CRIM1: variants seen among roughly 807,000 people sequenced by gnomAD.
CRIM1 encodes cysteine-rich motor neuron 1 protein.
CRIM1 carries 32 observed loss-of-function variants against 116.4 expected under a neutral mutation model. The observed-to-expected ratio is 0.27, with a 90% confidence interval of 0.21 to 0.37. The LOEUF (loss-of-function observed/expected upper bound fraction) is 0.37. CRIM1 is among the 10% of genes least tolerant of loss of function. The pLI is 1.00. For missense variants in CRIM1, 1,331 were observed against 1,354.8 expected (o/e 0.98, Z 0.28); for synonymous variants, 590 against 509.2 (o/e 1.16, Z -2.13).
chr2:36,522,801 C>CAAA (rs1388959317), intron 13 of CRIM1, among the ~76,000 whole-genome samples: 2 of 107,504 alleles, frequency 1.9e-5, no homozygotes, highest in Non-Finnish European at 1.9e-5. Flanking sequence ...GACTCCATCT[C>CAAA]AAAAAAAAAA....
intron 2 of CRIM1, among the ~76,000 whole-genome samples, chr2:36,416,132 T>C (rs1031780515): frequency 6.6e-6 from 1 of 151,976 alleles, no homozygotes; most frequent in African/African-American, 2.4e-5. Flanking sequence ...CACTTGAACC[T>C]GGGAGGTGGA....
intron 2 of CRIM1, among the ~76,000 whole-genome samples, chr2:36,416,953 C>T (rs188643232): frequency 1.2e-4 from 18 of 152,318 alleles, no homozygotes; most frequent in Non-Finnish European, 1.9e-4. Context: ...TGATTCTGCT[C>T]CTCAGCATGT....
In CRIM1 at chr2:36,533,896, C is replaced by G. The variant is rs551669788; in HGVS notation, c.2429-3456C>G. On this transcript the variant is annotated intron_variant, in intron 13 of 16. Transcript: ENST00000280527. ...AGTCTAAGTTCTTCCCATCATTATTCTCGTGTGTGGAGAGAGGAAGGGAAG... is the reference window on the plus strand; with the variant it reads ...AGTCTAAGTTCTTCCCATCATTATTGTCGTGTGTGGAGAGAGGAAGGGAAG... 7.4e-5 allele frequency among the ~76,000 whole-genome samples: 11 copies of G among 147,854 alleles called. No individual in the cohort carries two copies. The South Asian group carries it at 2.2e-3, about 29-fold the overall frequency.
At chr2:36,462,361 A>G (rs1461111327) in intron 4 of CRIM1, among the ~76,000 whole-genome samples, 1 of 152,212 alleles carries the variant, frequency 6.6e-6, no homozygotes, top group Non-Finnish European at 1.5e-5. Flanking sequence ...GTATTTTTTA[A>G]ATTGTAAATT....
At chr2:36,429,791 T>A (rs925537950) in intron 2 of CRIM1, among the ~76,000 whole-genome samples, 3 of 152,166 alleles carry the variant, frequency 2.0e-5, no homozygotes, top group Non-Finnish European at 4.4e-5. Flanking sequence ...GATTTGGCAA[T>A]CTGTGCTTAA....
intron 10 of CRIM1, chr2:36,513,281 A>G (rs1664808180): frequency 4.9e-6 from 2 of 406,638 alleles, no homozygotes. Flanking sequence ...TGTTTATTGT[A>G]TAAAATATGA....
chr2:36,457,586 AAGGAGGGTTAGTTATTC>A (rs1677240700), intron 4 of CRIM1, among the ~76,000 whole-genome samples: 1 of 152,104 alleles, frequency 6.6e-6, no homozygotes, highest in Non-Finnish European at 1.5e-5. Context: ...AGAAAGGGTG[AAGGAGGGTTAGTTATTC>A]ATACACAGAT....
At chr2:36,394,566 G>A (rs1014862624) in intron 1 of CRIM1, among the ~76,000 whole-genome samples, 2 of 151,586 alleles carry the variant, frequency 1.3e-5, no homozygotes, top group African/African-American at 2.4e-5. Flanking sequence ...ACCTTTATGT[G>A]TCTATGTTAT....
At chr2:36,424,870 A>G (rs532362599) in intron 2 of CRIM1, among the ~76,000 whole-genome samples, 1 of 152,274 alleles carries the variant, frequency 6.6e-6, no homozygotes, top group Non-Finnish European at 1.5e-5. Context: ...CCCCCAAAAT[A>G]TAACAGATTG....
At chr2:36,374,943 T>G (rs573127009) in intron 1 of CRIM1, among the ~76,000 whole-genome samples, 1 of 152,228 alleles carries the variant, frequency 6.6e-6, no homozygotes, top group African/African-American at 2.4e-5. Context: ...AACTAACGAT[T>G]TGTAGGTTTT....
At chr2:36,533,098 A>G (rs1666224069) in intron 13 of CRIM1, among the ~76,000 whole-genome samples, 1 of 152,172 alleles carries the variant, frequency 6.6e-6, no homozygotes, top group South Asian at 2.1e-4. Flanking sequence ...ATACATTTAT[A>G]TGTAGTCTCA....
Position 36,394,724 on chromosome 2 carries a change from A to C in CRIM1, c.332-1890A>C, listed in dbSNP as rs187334462. Among the ~76,000 whole-genome samples, 928 of 152,106 alleles carry C rather than the reference A, an allele frequency of 6.1e-3. 5 individuals are homozygous for C. Among genetic ancestry groups the C allele is most frequent in the Non-Finnish European group, 7.1e-3 (480 of 67,994 alleles). On this transcript the variant is annotated intron_variant, in intron 1 of 16. Transcript: ENST00000280527. ...TAAAACATAAATTGTGTGTCGGTAT[A>C]AACTTCAAATCTGAAAGATAATCAT... is the stretch of plus-strand genomic sequence containing the variant.
chr2:36,543,519 T>C (rs757216578), intron 14 of CRIM1, among the ~76,000 whole-genome samples: 3 of 152,294 alleles, frequency 2.0e-5, no homozygotes, highest in South Asian at 2.1e-4. Flanking sequence ...CAGTGAATAA[T>C]ATGGCAGGAT....
intron 2 of CRIM1, among the ~76,000 whole-genome samples, chr2:36,417,003 A>G (rs1434651487): frequency 6.6e-6 from 1 of 152,154 alleles, no homozygotes; most frequent in Non-Finnish European, 1.5e-5. Flanking sequence ...TGGGAAGAGC[A>G]TCCAGGTCAG....
intron 13 of CRIM1, among the ~76,000 whole-genome samples, chr2:36,535,132 G>GGAAGGGGAAGGAAGGAGA (rs1666446109): frequency 8.4e-6 from 1 of 118,580 alleles, no homozygotes; most frequent in Non-Finnish European, 1.7e-5. Context: ...AGGGAGGGAG[G>GGAAGGGGAAGGAAGGAGA]GAAGGGGAAG....
intron 4 of CRIM1, among the ~76,000 whole-genome samples, chr2:36,444,971 A>G (rs553789011): frequency 4.6e-5 from 7 of 152,204 alleles, no homozygotes; most frequent in South Asian, 2.1e-4. Context: ...TCTTTTTATC[A>G]TAGCACTTTT....
chr2:36,543,351 C>G (rs187039339), intron 14 of CRIM1, among the ~76,000 whole-genome samples: 101 of 152,346 alleles, frequency 6.6e-4, no homozygotes, highest in African/African-American at 2.3e-3. Flanking sequence ...TCTCAAAAGC[C>G]TGTTAACTTT....
Position 36,421,285 on chromosome 2 carries a change from AT to A in CRIM1, c.506-19970del, listed in dbSNP as rs564355353. Among the ~76,000 whole-genome samples, 108 of 152,322 alleles carry A rather than the reference AT, an allele frequency of 7.1e-4. No homozygotes were observed. The East Asian group carries it at 0.01, about 15-fold the overall frequency. The stretch of plus-strand genomic sequence containing the variant: ...TTCCTTTTTGGGGGAGAAATTGAGA[AT>A]TTAAATGATGTCATGAAACAAAAGG... On this transcript the variant is annotated intron_variant, in intron 2 of 16. Transcript: ENST00000280527.
chr2:36,487,647 C>T (rs1247760259), intron 7 of CRIM1, among the ~76,000 whole-genome samples: 1 of 151,562 alleles, frequency 6.6e-6, no homozygotes, highest in Non-Finnish European at 1.5e-5. Context: ...ACTTTGTCTT[C>T]TATGACATAG....
Sources: gnomAD v4.1 joint callset for allele counts (sites outside exome capture counted in the v4.1 genomes callset) on GRCh38, gnomAD v4.1.1 for gene constraint, MANE v1.5 for transcripts, NCBI Gene and HGNC (gene_info 2026-07-23, HGNC 2026-07-21) for gene names.